Variants in UNC13C observed in about 807,000 individuals in gnomAD.
The protein encoded by UNC13C is protein unc-13 homolog C.
UNC13C carries 174 observed loss-of-function variants against 245.4 expected under a neutral mutation model. The ratio of observed to expected loss-of-function variants is 0.71; its 90% CI spans 0.63 to 0.80. The LOEUF is 0.80. Among genes scored for constraint, UNC13C ranks in the 30% least tolerant of loss-of-function variants. The pLI, the probability that UNC13C is intolerant of heterozygous loss-of-function variation, is 0.00. For synonymous variants in UNC13C, 992 were observed against 895.1 expected (o/e 1.11, Z -1.93); for missense variants, 2,829 against 2,602.9 (o/e 1.09, Z -1.89).
chr15:54,399,094 C>A (rs2040128305), intron 18 of UNC13C, among the ~76,000 whole-genome samples: 1 of 151,502 alleles, frequency 6.6e-6, no homozygotes, highest in Admixed American at 6.6e-5. Flanking sequence ...ATCAAAAGAT[C>A]TTTATGACTA....
intron 4 of UNC13C, among the ~76,000 whole-genome samples, chr15:54,175,926 GA>G (rs2033598656): frequency 6.6e-6 from 1 of 151,914 alleles, no homozygotes; most frequent in African/African-American, 2.4e-5. Context: ...AAATTTTTTT[GA>G]AAAATTGCTT....
At chr15:54,042,876 A>AGAAAAG in intron 2 of UNC13C, among the ~76,000 whole-genome samples, 1 of 138,392 alleles carries the variant, frequency 7.2e-6, no homozygotes, top group Non-Finnish European at 1.6e-5. Context: ...AAAAAGAAAA[A>AGAAAAG]GAAACCACTT....
intron 2 of UNC13C, among the ~76,000 whole-genome samples, chr15:54,132,392 G>C (rs1439219417): frequency 6.6e-6 from 1 of 152,046 alleles, no homozygotes; most frequent in East Asian, 1.9e-4. Context: ...TTAGATTACT[G>C]TTGAGGCTGT....
chr15:54,333,452 T>C (rs928619756), intron 15 of UNC13C, among the ~76,000 whole-genome samples: 2 of 152,074 alleles, frequency 1.3e-5, no homozygotes, highest in Admixed American at 6.6e-5. Flanking sequence ...TACTTAATCC[T>C]TTTAGTAGCA....
At chr15:54,181,870 T>C (rs1162021377) in intron 4 of UNC13C, among the ~76,000 whole-genome samples, 1 of 152,006 alleles carries the variant, frequency 6.6e-6, no homozygotes, top group Non-Finnish European at 1.5e-5. Flanking sequence ...CTACTATTTT[T>C]TGTATTTTGA....
At chr15:53,931,689 C>A in the UNC13C span, among the ~76,000 whole-genome samples, 1 of 152,044 alleles carries the variant, frequency 6.6e-6, no homozygotes, top group Non-Finnish European at 1.5e-5. Context: ...CCAAGGTATA[C>A]ACTTGGGTAA....
intron 25 of UNC13C, 134 bp downstream of exon 25, chr15:54,525,771 C>T: frequency 2.8e-6 from 2 of 726,202 alleles, no homozygotes. Flanking sequence ...GTCATTTTCT[C>T]TGAAACATCT....
chr15:54,513,373 C>T (rs1894835338), intron 24 of UNC13C, among the ~76,000 whole-genome samples: 1 of 152,118 alleles, frequency 6.6e-6, no homozygotes, highest in Admixed American at 6.6e-5. Context: ...TATTTCATTA[C>T]TATTCTGTGT....
At chr15:54,242,332 T>C (rs1377109542) in intron 7 of UNC13C, among the ~76,000 whole-genome samples, 1 of 152,194 alleles carries the variant, frequency 6.6e-6, no homozygotes, top group African/African-American at 2.4e-5. Flanking sequence ...AATATAGTGA[T>C]TATGTTCCCT....
intron 19 of UNC13C, among the ~76,000 whole-genome samples, chr15:54,476,674 GT>G (rs1440997722): frequency 1.3e-5 from 2 of 151,454 alleles, no homozygotes; most frequent in Non-Finnish European, 2.9e-5. Context: ...CTATATCTCT[GT>G]TTTGGTACCA....
chr15:53,985,399 GCA>G (rs1185498754), intron 1 of UNC13C, among the ~76,000 whole-genome samples: 1 of 150,504 alleles, frequency 6.6e-6, no homozygotes, highest in Non-Finnish European at 1.5e-5. Flanking sequence ...GGGCACATGT[GCA>G]CAGTGTGCAG....
chr15:54,184,954 A>G (rs28795708), intron 4 of UNC13C, among the ~76,000 whole-genome samples: 16,157 of 151,662 alleles, frequency 0.11, 1,423 homozygotes, highest in African/African-American at 0.24. Flanking sequence ...TTTAATGATC[A>G]CCATTCTAAC....
chr15:54,269,258 A>C (rs984468774), intron 10 of UNC13C, among the ~76,000 whole-genome samples: 7 of 151,864 alleles, frequency 4.6e-5, no homozygotes, highest in African/African-American at 1.7e-4. Context: ...ACATATCTCC[A>C]TTATATTGAA....
chr15:54,237,611 T>G lies in UNC13C; in HGVS notation c.3157-8T>G. The G allele has an allele frequency of 6.2e-7, 1 of 1,609,382 alleles. No homozygotes were observed. Among genetic ancestry groups the G allele is most frequent in the Non-Finnish European group, 8.5e-7 (1 of 1,177,638 alleles). ...TGTATTAATAAGTCATAATTCTGTTTGTTTTAGACCCTGGCTGCCCGGAAA... is the reference window on the plus strand; with the variant it reads ...TGTATTAATAAGTCATAATTCTGTTGGTTTTAGACCCTGGCTGCCCGGAAA... On this transcript the variant is annotated splice_polypyrimidine_tract_variant and splice_region_variant and intron_variant, in intron 6 of 32. Coordinates refer to ENST00000260323, the MANE Select transcript of UNC13C (RefSeq NM_001080534.3).
intron 8 of UNC13C, among the ~76,000 whole-genome samples, chr15:54,263,775 TTCTA>T (rs568277898): frequency 1.3e-4 from 20 of 152,164 alleles, no homozygotes; most frequent in East Asian, 1.9e-4. Context: ...GCCACTTATA[TTCTA>T]TCTATTTCTC....
intron 2 of UNC13C, among the ~76,000 whole-genome samples, chr15:54,076,173 A>G (rs2141108058): frequency 6.8e-6 from 1 of 148,006 alleles, no homozygotes; most frequent in South Asian, 2.1e-4. Flanking sequence ...TTAGTTACAT[A>G]TGTATACATG....
At chr15:54,271,600 C>A (rs556006648) in intron 10 of UNC13C, among the ~76,000 whole-genome samples, 3 of 152,264 alleles carry the variant, frequency 2.0e-5, no homozygotes, top group Admixed American at 6.5e-5. Context: ...ATAGTTGAGG[C>A]CTTGGTGCCT....
intron 15 of UNC13C, among the ~76,000 whole-genome samples, chr15:54,333,302 A>G (rs780094328): frequency 1.3e-5 from 2 of 152,098 alleles, no homozygotes; most frequent in Non-Finnish European, 2.9e-5. Flanking sequence ...AGGAAAGACT[A>G]TATGATGCAA....
chr15:54,336,539 A>C (rs1381699605), intron 16 of UNC13C, among the ~76,000 whole-genome samples: 2 of 151,870 alleles, frequency 1.3e-5, no homozygotes, highest in South Asian at 4.1e-4. Flanking sequence ...CCAACATCAC[A>C]AAGAGGTTTT....
Sources: allele counts gnomAD v4.1 joint callset (sites outside exome capture counted in the v4.1 genomes callset), GRCh38; gene constraint gnomAD v4.1.1; transcripts MANE v1.5; gene names NCBI Gene and HGNC (gene_info 2026-07-23, HGNC 2026-07-21).